Variants in TTYH1 observed in about 807,000 individuals in gnomAD.
TTYH1 encodes the protein protein tweety homolog 1.
In TTYH1, 33 loss-of-function variants were observed where a neutral mutation model predicts 61.2. That is an observed-to-expected ratio of 0.54 (90% CI 0.41 to 0.72). TTYH1 has a LOEUF of 0.72. Among genes scored for constraint, TTYH1 ranks in the 30% least tolerant of loss-of-function variants. The pLI is 0.00. For synonymous variants in TTYH1, 308 were observed against 266.4 expected (o/e 1.16, Z -1.52); for missense variants, 538 against 575.8 (o/e 0.93, Z 0.67).
In TTYH1 at chr19:54,426,728, C is replaced by A. The variant is rs758143395; in HGVS notation, c.694C>A (p.Leu232Ile). 2.1e-5 allele frequency: 34 copies of A among 1,613,952 alleles called. No individual in the cohort carries two copies. The highest frequency in any genetic ancestry group is 2.9e-5 in the Non-Finnish European group (34 of 1,180,026). ...LLELLVCLFT[L>I]LGLAKQSKWL... ...GGAGCTGCTGGTCTGCCTCTTCACC[C>A]TCCTGGGCCTGGCGAAGCAGAGCAA... Residue 232 changes from leucine to isoleucine, a missense_variant, in exon 5 of 14, where the codon CTC becomes ATC. By Grantham distance (5) the Leu-to-Ile change is conservative. Around this residue, in one of 3 missense-constraint regions of TTYH1, gnomAD observed 378 missense variants for 401.2 expected, o/e 0.94. Coordinates refer to ENST00000376530, the MANE Select transcript of TTYH1 (RefSeq NM_020659.4).
chr19:54,422,255 G>T lies in TTYH1; in HGVS notation c.483G>T (p.Val161=), dbSNP rs2083233055. 1 of 1,565,470 alleles carries T rather than the reference G, an allele frequency of 6.4e-7. No individual in the cohort carries two copies. The highest frequency in any genetic ancestry group is 8.7e-7 in the Non-Finnish European group (1 of 1,155,420). Residue 161 remains valine (V), a synonymous_variant, in exon 4 of 14, where the codon GTG becomes GTT. Coordinates refer to ENST00000376530, the MANE Select transcript of TTYH1 (RefSeq NM_020659.4). ...CAGAGCTGACCACCCTGGAGGAGGT[G>T]CTCGAGCCGCGCACGGAGCTGGTGG... ...VRTELTTLEE[V]LEPRTELVAA...
Position 54,429,911 on chromosome 19 carries a change from C to A in TTYH1, c.837C>A (p.Asp279Glu). 2 of 1,614,020 alleles carry A rather than the reference C, an allele frequency of 1.2e-6. No homozygotes were observed. The highest frequency in any genetic ancestry group is 1.7e-6 in the Non-Finnish European group (2 of 1,179,916). Residue 279 changes from aspartate to glutamate, a missense_variant, in exon 7 of 14, where the codon GAC (aspartate) becomes GAA (glutamate). This residue lies in a region of TTYH1 where 378 missense variants were observed against 401.2 expected (regional missense o/e 0.94). Transcript: ENST00000376530. The surrounding 1 kb of genome is among the most constrained non-coding windows in gnomAD (Gnocchi z 5.1). ...TCAGTGACTTCTGCTCCAATCCAGA[C>A]CCTTATGTTCTGAACCTGACCCAGG... ...VGLSDFCSNP[D>E]PYVLNLTQEE...
chr19:54,415,667 G>A lies in TTYH1; in HGVS notation c.115G>A (p.Glu39Lys), dbSNP rs1043067331. Residue 39 changes from glutamate (E) to lysine (K), a missense_variant, in exon 1 of 14, where the codon GAA becomes AAA. Around this residue, in one of 3 missense-constraint regions of TTYH1, gnomAD observed 157 missense variants for 157.0 expected, o/e 1.00. Coordinates refer to ENST00000376530, the MANE Select transcript of TTYH1 (RefSeq NM_020659.4). This position sits in a 1 kb window ranked among gnomAD's most constrained non-coding sequence, Gnocchi z 5.2. ...CAGCGTTTTCGCGCCCCAAGAGCAG[G>A]AATACCAGCAGGTGGGACCGGGCGC... The part of the protein sequence containing the change: ...VPSVFAPQEQ[E>K]YQQALLLVAA... The A allele has an allele frequency of 2.6e-6, 4 of 1,561,912 alleles. No homozygotes were observed. In the African/African-American group the frequency reaches 5.5e-5, roughly 21 times the overall value.
Position 54,416,708 on chromosome 19 carries a change from C to G in TTYH1, c.126+1030C>G. The G allele has an allele frequency of 1.6e-6, 2 of 1,273,650 alleles. No individual in the cohort carries two copies. The highest frequency in any genetic ancestry group is 2.5e-5 in the South Asian group (2 of 79,796). 78.9% of individuals were successfully genotyped at this position (1,273,650 alleles called of 1,614,324 possible). A position where few individuals can be genotyped will look rare whatever the true frequency, so the allele number is the denominator to read the frequency against. On this transcript the variant is annotated intron_variant, in intron 1 of 13. Coordinates refer to ENST00000376530, the MANE Select transcript of TTYH1 (RefSeq NM_020659.4). This position sits in a 1 kb window ranked among gnomAD's most constrained non-coding sequence, Gnocchi z 7.0. ...TGAGCTATTTGGGTCACGGCTGGCA[C>G]AGCCCTGAGCAGCTCTTCCCCGCCT...
intron 4 of TTYH1, among the ~76,000 whole-genome samples, chr19:54,422,655 C>T (rs1024241126): frequency 2.6e-5 from 4 of 152,134 alleles, no homozygotes; most frequent in African/African-American, 7.2e-5. Context: ...TGGCCAGGCG[C>T]GGTGGCTCAG....
rs761726527 is a variant in TTYH1, at chr19:54,416,749, CT to C, written c.126+1072del. On this transcript the variant is annotated intron_variant, in intron 1 of 13. Transcript: ENST00000376530. The surrounding 1 kb of genome is among the most constrained non-coding windows in gnomAD (Gnocchi z 7.0). ...TTCCCCGCCTGCTCCTCGCCGCCCC[CT>C]CTCCCCACACACGGGGACCGCCGTC... is the stretch of plus-strand genomic sequence containing the variant. 1.2e-5 allele frequency: 15 copies of C among 1,291,770 alleles called. No homozygotes were observed. The South Asian group carries it at 1.7e-4, about 15-fold the overall frequency. The allele number at this position is 1,291,770 out of a possible 1,614,324, so 80.0% of individuals were successfully genotyped here.
chr19:54,435,353 A>G (rs757383170), intron 10 of TTYH1, among the ~76,000 whole-genome samples, 189 bp from the exon 11 acceptor site: 20 of 152,128 alleles, frequency 1.3e-4, no homozygotes, highest in Non-Finnish European at 2.9e-4. Flanking sequence ...TGCCAGGCCT[A>G]TCACACCAAA....
At chr19:54,435,142 CG>C (rs1268748956) in intron 10 of TTYH1, 2 of 178,718 alleles carry the variant, frequency 1.1e-5, no homozygotes, top group Non-Finnish European at 2.3e-5. Context: ...AGAAGGGAAA[CG>C]GAAGTAGCAG....
intron 4 of TTYH1, among the ~76,000 whole-genome samples, chr19:54,425,640 T>G (rs2083307485): frequency 6.6e-6 from 1 of 152,140 alleles, no homozygotes; most frequent in African/African-American, 2.4e-5. Flanking sequence ...TAGTCCTGTC[T>G]CTCACTGTGG....
intron 10 of TTYH1, chr19:54,433,006 T>C (rs1251079424): frequency 1.3e-5 from 2 of 152,198 alleles, no homozygotes; most frequent in Admixed American, 1.3e-4. Context: ...TTGCTGACTA[T>C]TGAGCTGAGA....
chr19:54,423,792 T>A (rs987839820), intron 4 of TTYH1, among the ~76,000 whole-genome samples: 3 of 152,092 alleles, frequency 2.0e-5, no homozygotes, highest in Non-Finnish European at 2.9e-5. Context: ...CGTGGCTGCG[T>A]CCTCCGGGGG....
intron 4 of TTYH1, among the ~76,000 whole-genome samples, chr19:54,423,255 C>T (rs1029749944): frequency 4.0e-5 from 6 of 148,422 alleles, no homozygotes; most frequent in African/African-American, 1.5e-4. Flanking sequence ...TAGAGTGCAG[C>T]GGTGCGATCT....
chr19:54,421,540 A>C lies in TTYH1; in HGVS notation c.417+152A>C. 1.5e-6 allele frequency: 1 copy of C among 654,766 alleles called. No individual in the cohort carries two copies. Among genetic ancestry groups the C allele is most frequent in the Non-Finnish European group, 2.8e-6 (1 of 361,438 alleles). The allele number at this position is 654,766 out of a possible 1,614,324, so 40.6% of individuals were successfully genotyped here. On this transcript the variant is annotated intron_variant, in intron 3 of 13. Coordinates refer to ENST00000376530, the MANE Select transcript of TTYH1 (RefSeq NM_020659.4). The surrounding 1 kb of genome is among the most constrained non-coding windows in gnomAD (Gnocchi z 4.8). ...CTTCATCCTGAGACCCACAGACCTCAGACTATCCACCCAACCCCCGACCCT... is the reference window on the plus strand; with the variant it reads ...CTTCATCCTGAGACCCACAGACCTCCGACTATCCACCCAACCCCCGACCCT...
chr19:54,422,881 ATT>A, intron 4 of TTYH1, among the ~76,000 whole-genome samples: 1 of 139,596 alleles, frequency 7.2e-6, no homozygotes, highest in Non-Finnish European at 1.5e-5. Flanking sequence ...GTGAGCCGAG[ATT>A]TCACCATTGC....
chr19:54,436,141 C>T lies in TTYH1; in HGVS notation c.*12C>T, dbSNP rs111340729. ...AGTCGTCTATCTGAGCCCCTCCTCCCGGCTGGACTGGAGCCTGGCTCCCCT... is the reference window on the plus strand; with the variant it reads ...AGTCGTCTATCTGAGCCCCTCCTCCTGGCTGGACTGGAGCCTGGCTCCCCT... On this transcript the variant is annotated 3_prime_UTR_variant, in exon 13 of 14. Coordinates refer to ENST00000376530, the MANE Select transcript of TTYH1 (RefSeq NM_020659.4). The surrounding 1 kb of genome is among the most constrained non-coding windows in gnomAD (Gnocchi z 4.3). The T allele has an allele frequency of 6.1e-3, 9,831 of 1,614,128 alleles. 45 individuals are homozygous for T. Among genetic ancestry groups the T allele is most frequent in the Non-Finnish European group, 6.5e-3 (7,616 of 1,179,978 alleles).
Position 54,422,349 on chromosome 19 carries a change from C to G in TTYH1, c.577C>G (p.Gln193Glu), listed in dbSNP as rs1206095652. ...GCAGCTGCAGGGGCTGGCCTTCTGG[C>G]AGGGAGTGCCCCTGAGCCCCCTGCA... ...AQQLQGLAFW[Q>E]GVPLSPLQVA... is the part of the protein sequence containing the mutation. The change falls in exon 4 of 14, where the codon CAG becomes GAG. Residue 193 changes from glutamine (Q) to glutamate (E), a missense_variant. Transcript: ENST00000376530. 2 of 1,575,294 alleles carry G rather than the reference C, an allele frequency of 1.3e-6. No individual in the cohort carries two copies. Among genetic ancestry groups the G allele is most frequent in the Non-Finnish European group, 1.7e-6 (2 of 1,161,630 alleles).
chr19:54,424,349 A>T (rs982129156), intron 4 of TTYH1, among the ~76,000 whole-genome samples: 7 of 152,142 alleles, frequency 4.6e-5, no homozygotes, highest in Non-Finnish European at 1.0e-4. Context: ...TCATTCATTC[A>T]TTCATTCATT....
rs1021733407 is a variant in TTYH1 at position 54,436,661 on chromosome 19, G to A, written c.*371G>A. The A allele has an allele frequency of 1.7e-5, 9 of 516,374 alleles. No individual in the cohort carries two copies. Among genetic ancestry groups the A allele is most frequent in the Admixed American group, 9.8e-5 (3 of 30,568 alleles). 32.0% of individuals were successfully genotyped at this position (516,374 alleles called of 1,614,324 possible). ...GGCTCTGACCCCCTGATCTCAACTC[G>A]TGGCACTAACTTGGAAAAGGGTTGA... On this transcript the variant is annotated 3_prime_UTR_variant, in exon 14 of 14. Coordinates refer to ENST00000376530, the MANE Select transcript of TTYH1 (RefSeq NM_020659.4). The surrounding 1 kb of genome is among the most constrained non-coding windows in gnomAD (Gnocchi z 4.3).
intron 4 of TTYH1, among the ~76,000 whole-genome samples, chr19:54,424,646 C>T (rs1349804875): frequency 6.6e-6 from 1 of 152,210 alleles, no homozygotes; most frequent in Non-Finnish European, 1.5e-5. Context: ...CAGGGTGAGG[C>T]AGACCCACCA....
Sources: allele counts gnomAD v4.1 joint callset (sites outside exome capture counted in the v4.1 genomes callset), GRCh38; gene constraint gnomAD v4.1.1; regional missense constraint gnomAD v4.1.1; non-coding constraint Gnocchi (gnomAD v3.1); transcripts MANE v1.5; gene names NCBI Gene and HGNC (gene_info 2026-07-23, HGNC 2026-07-21).